The following NRP1 variants were observed in gnomAD, a reference collection of about 807,000 sequenced individuals.
NRP1 encodes neuropilin 1.
In NRP1, 35 loss-of-function variants were observed where a neutral mutation model predicts 106.7. The observed-to-expected ratio is 0.33, with a 90% CI of 0.25 to 0.43. The LOEUF is 0.43. NRP1 is among the 20% of genes least tolerant of loss of function. The pLI is 1.00. For synonymous variants in NRP1, 437 were observed against 417.9 expected, an observed-to-expected ratio of 1.05 and a Z score of -0.56; for missense variants, 1,024 against 1,170.4, an observed-to-expected ratio of 0.87 and a Z score of 1.83.
At position 33,180,211 on chromosome 10, in the gene NRP1, C is replaced by T. The variant is rs1290375275; in HGVS notation, c.2637G>A (p.Leu879=). 8 of 1,614,052 alleles carry T rather than the reference C, an allele frequency of 5.0e-6. 1 individual carries two copies. The South Asian group carries it at 6.6e-5, about 13-fold the overall frequency. The part of the protein sequence containing the change: ...VLLGAVCGVV[L]YCACWHNGMS... ...TCCCATTATGCCAACAGGCACAGTA[C>T]AGCACGACCCCACAGACAGCCCCCA... The change falls in exon 17 of 17, where the codon CTG becomes CTA. Residue 879 remains leucine, a synonymous_variant. Transcript: ENST00000374867.
At chr10:33,265,728 G>A (rs72790248) in intron 3 of NRP1, among the ~76,000 whole-genome samples, 7,588 of 152,232 alleles carry the variant, frequency 0.05, 253 homozygotes, top group Non-Finnish European at 0.071. Flanking sequence ...CTTCTTGGAC[G>A]TGGCTCACCC....
intron 2 of NRP1, among the ~76,000 whole-genome samples, chr10:33,312,663 A>G (rs1357474027): frequency 6.6e-6 from 1 of 152,244 alleles, no homozygotes; most frequent in African/African-American, 2.4e-5. Context: ...TATTTTTACA[A>G]TGGCATCTGA....
At chr10:33,273,614 C>A (rs1195741253) in intron 2 of NRP1, among the ~76,000 whole-genome samples, 1 of 152,170 alleles carries the variant, frequency 6.6e-6, no homozygotes, top group Non-Finnish European at 1.5e-5. Context: ...CTCGGGATGT[C>A]GAGATCCCCA....
chr10:33,199,390 T>TATATATATATATATATATATATATA (rs57198890), intron 11 of NRP1, among the ~76,000 whole-genome samples: 2 of 30,748 alleles, frequency 6.5e-5, no homozygotes, highest in African/African-American at 3.7e-4. Flanking sequence ...TATATATATA[T>TATATATATATATATATATATATATA]TTTTTTTTTT....
At chr10:33,229,408 T>A (rs1839927851) in intron 6 of NRP1, among the ~76,000 whole-genome samples, 1 of 152,200 alleles carries the variant, frequency 6.6e-6, no homozygotes, top group Non-Finnish European at 1.5e-5. Flanking sequence ...ATTAAAGTCA[T>A]GCCCAATGCC....
intron 12 of NRP1, among the ~76,000 whole-genome samples, chr10:33,196,003 C>T (rs1836757483): frequency 6.6e-6 from 1 of 152,106 alleles, no homozygotes; most frequent in South Asian, 2.1e-4. Context: ...CGACTGGCCC[C>T]TCTGAGAAGC....
intron 2 of NRP1, among the ~76,000 whole-genome samples, chr10:33,309,642 T>C (rs1344642294): frequency 6.6e-6 from 1 of 152,230 alleles, no homozygotes; most frequent in Non-Finnish European, 1.5e-5. Context: ...CAGCTTTCTG[T>C]AGCAAGACAC....
intron 10 of NRP1, among the ~76,000 whole-genome samples, chr10:33,204,822 C>T (rs1837632757): frequency 6.6e-6 from 1 of 152,118 alleles, no homozygotes; most frequent in Admixed American, 6.5e-5. Context: ...ACCTCCGCCT[C>T]CCTGATTCAA....
chr10:33,199,365 T>TTTTTTTTATATA (rs57582967), intron 11 of NRP1, among the ~76,000 whole-genome samples: 1 of 64,268 alleles, frequency 1.6e-5, no homozygotes, highest in African/African-American at 5.1e-5. Context: ...CCTGGCTGTT[T>TTTTTTTTATATA]TCTATATATA....
chr10:33,220,428 T>C (rs898855727), intron 8 of NRP1, among the ~76,000 whole-genome samples: 2 of 152,134 alleles, frequency 1.3e-5, no homozygotes, highest in African/African-American at 4.8e-5. Context: ...TTTTAGTGAG[T>C]GGGTCAACTG....
intron 4 of NRP1, among the ~76,000 whole-genome samples, chr10:33,257,251 C>T (rs1588861489): frequency 6.6e-6 from 1 of 152,156 alleles, no homozygotes; most frequent in African/African-American, 2.4e-5. Context: ...CAAGACATCA[C>T]CAAAAGCAAC....
intron 9 of NRP1, among the ~76,000 whole-genome samples, chr10:33,209,775 C>A (rs1219292426): frequency 6.6e-6 from 1 of 152,224 alleles, no homozygotes; most frequent in South Asian, 2.1e-4. Context: ...TCGAGACAGC[C>A]CAGTCTCCTG....
intron 6 of NRP1, among the ~76,000 whole-genome samples, chr10:33,232,540 A>G: frequency 6.6e-6 from 1 of 152,082 alleles, no homozygotes. Context: ...GTGTGTGACA[A>G]ACATAAACAT....
chr10:33,199,389 ATTTTTTT>A (rs1160327036), intron 11 of NRP1, among the ~76,000 whole-genome samples: 391 of 36,570 alleles, frequency 0.011, 7 homozygotes, highest in African/African-American at 0.043. Context: ...ATATATATAT[ATTTTTTT>A]TTTTTTTTTT....
chr10:33,256,856 A>T (rs1321075509), intron 4 of NRP1, among the ~76,000 whole-genome samples: 1 of 152,114 alleles, frequency 6.6e-6, no homozygotes, highest in Non-Finnish European at 1.5e-5. Flanking sequence ...GTGGTCACTG[A>T]GGTTTCTGAG....
At chr10:33,182,833 G>GCGCACACACACAAA in intron 15 of NRP1, 85 bp from the exon 16 acceptor site, 1 of 746,334 alleles carries the variant, frequency 1.3e-6, no homozygotes, top group Non-Finnish European at 2.3e-6. Flanking sequence ...TTAGGTACAT[G>GCGCACACACACAAA]CACACACACA....
In NRP1 at chr10:33,253,214, G is replaced by C. The variant is rs139888631; in HGVS notation, c.981+814C>G. Among the ~76,000 whole-genome samples the C allele has an allele frequency of 4.8e-3, 725 of 152,238 alleles. 17 individuals are homozygous for C. Among genetic ancestry groups the C allele is most frequent in the Admixed American group, 0.026 (402 of 15,286 alleles). Reference sequence around the variant, plus strand: ...AAAAACTCAGGACTGTCAGCATCAGGCCTTTGGGTGGGAATACCCAGATAT... The same window carrying C: ...AAAAACTCAGGACTGTCAGCATCAGCCCTTTGGGTGGGAATACCCAGATAT... On this transcript the variant is annotated intron_variant, in intron 6 of 16. Coordinates refer to ENST00000374867, the MANE Select transcript of NRP1 (RefSeq NM_003873.7).
chr10:33,185,683 C>A lies in NRP1; in HGVS notation c.2376G>T (p.Gly792=). ...EGEIGKGNLG[G]IAVDDISINN... ...TAATACTAATGTCATCCACAGCAATCCCACCAAGGTTTCCTTTTCCGATTT... is the reference window on the plus strand; with the variant it reads ...TAATACTAATGTCATCCACAGCAATACCACCAAGGTTTCCTTTTCCGATTT... Residue 792 remains glycine, a synonymous_variant, in exon 15 of 17, where the codon GGG becomes GGT. Coordinates refer to ENST00000374867, the MANE Select transcript of NRP1 (RefSeq NM_003873.7). The A allele has an allele frequency of 1.2e-6, 2 of 1,614,142 alleles. No individual in the cohort carries two copies. The highest frequency in any genetic ancestry group is 1.6e-4 in the Middle Eastern group (1 of 6,062).
intron 3 of NRP1, 44 bp downstream of exon 3, chr10:33,270,631 T>G: frequency 2.1e-5 from 32 of 1,523,890 alleles, no homozygotes; most frequent in South Asian, 2.6e-5. Context: ...TCGGCCTAAA[T>G]GAACTCTTAG....
Sources: allele counts gnomAD v4.1 joint callset (sites outside exome capture counted in the v4.1 genomes callset), GRCh38; gene constraint gnomAD v4.1.1; transcripts MANE v1.5; gene names NCBI Gene and HGNC (gene_info 2026-07-23, HGNC 2026-07-21).